Variants in XRRA1 observed in about 807,000 individuals in gnomAD.
XRRA1 encodes the protein X-ray radiation resistance associated 1, also known as X-ray radiation resistance-associated protein 1.
XRRA1 carries 69 observed loss-of-function variants against 80.2 expected under a neutral mutation model. The ratio of observed to expected loss-of-function variants is 0.86; its 90% CI spans 0.71 to 1.05. The LOEUF is 1.05. XRRA1 is among the 50% of genes least tolerant of loss of function. The probability of loss-of-function intolerance (pLI) is 0.00; values close to 1 mark genes in which losing one functional copy is unlikely to be tolerated. For missense variants in XRRA1, 967 were observed against 976.4 expected (o/e 0.99, Z 0.13); for synonymous variants, 348 against 389.9 (o/e 0.89, Z 1.27).
At chr11:74,850,659 G>T (rs1421176152) in intron 14 of XRRA1, among the ~76,000 whole-genome samples, 1 of 152,188 alleles carries the variant, frequency 6.6e-6, no homozygotes, top group Non-Finnish European at 1.5e-5. Flanking sequence ...ACTTCCTTAA[G>T]ATTCAGGCAG....
intron 8 of XRRA1, among the ~76,000 whole-genome samples, chr11:74,916,822 G>A (rs367969877): frequency 8.6e-5 from 13 of 151,954 alleles, no homozygotes; most frequent in East Asian, 1.9e-4. Context: ...TTTTTGTTTC[G>A]TGTTTGATTA....
chr11:74,939,145 A>T (rs890621691), intron 3 of XRRA1, among the ~76,000 whole-genome samples: 13 of 152,146 alleles, frequency 8.5e-5, no homozygotes, highest in African/African-American at 3.1e-4. Flanking sequence ...TGAGGTCAGG[A>T]GTTCGAGACC....
At chr11:74,863,280 A>G (rs999174715) in intron 10 of XRRA1, 2 of 502,066 alleles carry the variant, frequency 4.0e-6, no homozygotes, top group African/African-American at 1.9e-5. Flanking sequence ...GCCCCTGCCT[A>G]CTTCTTCAGT....
intron 1 of XRRA1, among the ~76,000 whole-genome samples, chr11:74,948,365 G>A (rs1158062834): frequency 7.0e-6 from 1 of 142,920 alleles, no homozygotes; most frequent in Non-Finnish European, 1.5e-5. Context: ...ATAGAGCATG[G>A]TATAATACAA....
chr11:74,857,285 T>G (rs2041329599), intron 12 of XRRA1, among the ~76,000 whole-genome samples: 1 of 151,942 alleles, frequency 6.6e-6, no homozygotes. Flanking sequence ...ATAAATAGGT[T>G]GCAAGTAAAT....
chr11:74,909,795 TTAC>T (rs766926967), intron 8 of XRRA1: 2 of 152,212 alleles, frequency 1.3e-5, no homozygotes, highest in Non-Finnish European at 2.9e-5. Context: ...CCAAACAGAA[TTAC>T]TACTACTTAA....
intron 8 of XRRA1, among the ~76,000 whole-genome samples, chr11:74,914,312 A>G (rs201078291): frequency 7.2e-6 from 1 of 138,254 alleles, no homozygotes; most frequent in Non-Finnish European, 1.6e-5. Flanking sequence ...AAGTGACATA[A>G]AATATTTGGT....
chr11:74,843,407 C>T lies in XRRA1; in HGVS notation c.2196G>A (p.Lys732=). The change falls in exon 19 of 19, where the codon AAG becomes AAA. Residue 732 remains lysine (K), a synonymous_variant. Transcript: ENST00000684022. ...ACAGCCTCTTGGCCTCCAGGTACTG[C>T]TTGTGGTTCACCAGCCGCCGTTCTG... ...QWTERRLVNH[K]QYLEAKRLLK... 3.1e-6 allele frequency: 5 copies of T among 1,612,320 alleles called. No homozygotes were observed. The South Asian group carries it at 5.5e-5, about 18-fold the overall frequency.
At chr11:74,915,892 C>G (rs1938494970) in intron 8 of XRRA1, among the ~76,000 whole-genome samples, 1 of 152,232 alleles carries the variant, frequency 6.6e-6, no homozygotes, top group African/African-American at 2.4e-5. Flanking sequence ...CTGGGAATGT[C>G]TTAATTTCTT....
chr11:74,848,015 G>T, intron 15 of XRRA1, 100 bp downstream of exon 15: 1 of 1,081,212 alleles, frequency 9.2e-7, no homozygotes, highest in Non-Finnish European at 1.3e-6. Context: ...CCTGCCATGT[G>T]CTTGTTGCTC....
In XRRA1 at chr11:74,943,524, G is replaced by GGGGTGT. The variant is rs1330173160; in HGVS notation, c.-5+1493_-5+1494insACACCC. ...GGAGGCGAGGGGAAGAGAGTAGGAG[G>GGGGTGT]GTGTGTGTGTGTGTGTGTGTGTGTG... On this transcript the variant is annotated intron_variant, in intron 2 of 18. Coordinates refer to ENST00000684022, the MANE Select transcript of XRRA1 (RefSeq NM_001378157.1). Among the ~76,000 whole-genome samples the GGGGTGT allele has an allele frequency of 3.1e-3, 425 of 137,850 alleles. 5 individuals are homozygous for GGGGTGT. The highest frequency in any genetic ancestry group is 0.011 in the African/African-American group (409 of 37,368). The allele number at this position is 137,850 out of a possible 152,430, so 90.4% of individuals were successfully genotyped here.
At chr11:74,900,966 G>T (rs915748433) in intron 10 of XRRA1, among the ~76,000 whole-genome samples, 1 of 152,120 alleles carries the variant, frequency 6.6e-6, no homozygotes, top group Non-Finnish European at 1.5e-5. Flanking sequence ...AGCAATCAAA[G>T]AGAAAGAAAT....
intron 9 of XRRA1, 26 bp downstream of exon 9, chr11:74,907,119 C>A: frequency 6.2e-7 from 1 of 1,612,478 alleles, no homozygotes. Flanking sequence ...AGAGGAGGCC[C>A]AGCAGAGAAA....
intron 10 of XRRA1, among the ~76,000 whole-genome samples, chr11:74,871,390 C>T (rs2044740415): frequency 6.6e-6 from 1 of 152,214 alleles, no homozygotes; most frequent in Admixed American, 6.5e-5. Flanking sequence ...TCTCCCCTAG[C>T]TTTCTAGCCA....
At chr11:74,918,037 T>A (rs926328288) in intron 8 of XRRA1, among the ~76,000 whole-genome samples, 1 of 151,080 alleles carries the variant, frequency 6.6e-6, no homozygotes, top group African/African-American at 2.4e-5. Context: ...AGAAGTTCCA[T>A]GTCTTTTAGT....
intron 12 of XRRA1, among the ~76,000 whole-genome samples, chr11:74,857,913 TAAAAAG>T (rs1390475290): frequency 2.0e-5 from 3 of 151,934 alleles, no homozygotes; most frequent in Admixed American, 1.3e-4. Context: ...CGAATGAAAA[TAAAAAG>T]AAAATATATT....
chr11:74,932,988 T>A (rs1352121943), intron 5 of XRRA1, among the ~76,000 whole-genome samples: 1 of 152,196 alleles, frequency 6.6e-6, no homozygotes, highest in Non-Finnish European at 1.5e-5. Flanking sequence ...ATATCCTGTA[T>A]ATACACTGGC....
chr11:74,867,017 C>CCCACTT (rs1474080541), intron 10 of XRRA1, among the ~76,000 whole-genome samples: 1 of 152,128 alleles, frequency 6.6e-6, no homozygotes, highest in East Asian at 1.9e-4. Context: ...CATAAGCACA[C>CCCACTT]CCACTTCCAC....
At chr11:74,865,554 T>A (rs2136061607) in intron 10 of XRRA1, among the ~76,000 whole-genome samples, 1 of 152,226 alleles carries the variant, frequency 6.6e-6, no homozygotes, top group South Asian at 2.1e-4. Context: ...CCACGGCAGA[T>A]CCCAAGGGGA....
Sources: gnomAD v4.1 joint callset for allele counts (sites outside exome capture counted in the v4.1 genomes callset) on GRCh38, gnomAD v4.1.1 for gene constraint, MANE v1.5 for transcripts, NCBI Gene and HGNC (gene_info 2026-07-23, HGNC 2026-07-21) for gene names.